CNTN1: variants seen among roughly 807,000 people sequenced by gnomAD.
CNTN1 encodes the protein contactin 1.
A neutral mutation model predicts 126.4 loss-of-function variants in CNTN1; 38 were observed. The ratio of observed to expected loss-of-function variants is 0.30; its 90% CI spans 0.23 to 0.39. The LOEUF (loss-of-function observed/expected upper bound fraction) is 0.39, where lower values mean the gene tolerates loss of function less well. Among genes scored for constraint, CNTN1 ranks in the 10% least tolerant of loss-of-function variants. The probability of loss-of-function intolerance (pLI) is 1.00; values close to 1 mark genes in which losing one functional copy is unlikely to be tolerated. For synonymous variants in CNTN1, 413 were observed against 422.6 expected (o/e 0.98, Z 0.28); for missense variants, 1,009 against 1,248.4 (o/e 0.81, Z 2.89).
At chr12:40,799,282 A>G (rs889955259) in intron 1 of CNTN1, among the ~76,000 whole-genome samples, 4 of 151,414 alleles carry the variant, frequency 2.6e-5, no homozygotes, top group African/African-American at 9.7e-5. Context: ...TTATTGAGTA[A>G]TTATTTAATA....
chr12:40,767,506 C>T (rs1415037525), intron 1 of CNTN1, among the ~76,000 whole-genome samples: 3 of 152,080 alleles, frequency 2.0e-5, no homozygotes, highest in East Asian at 3.9e-4. Flanking sequence ...GATGGGGTTT[C>T]ACCGTGTTAG....
At chr12:40,714,439 T>C (rs568018110) in intron 1 of CNTN1, among the ~76,000 whole-genome samples, 2 of 152,254 alleles carry the variant, frequency 1.3e-5, no homozygotes, top group South Asian at 4.1e-4. Flanking sequence ...TCCATCTTTA[T>C]TGGAAAATGA....
chr12:40,864,650 T>C (rs570452754), intron 1 of CNTN1, among the ~76,000 whole-genome samples: 2 of 152,308 alleles, frequency 1.3e-5, no homozygotes, highest in Middle Eastern at 3.4e-3. Context: ...TTCATTGATA[T>C]TGTATCATGT....
chr12:41,018,925 G>A (rs1227379192), intron 19 of CNTN1, among the ~76,000 whole-genome samples: 1 of 152,134 alleles, frequency 6.6e-6, no homozygotes, highest in Admixed American at 6.5e-5. Context: ...GGGAGGTCGA[G>A]GTGGGCGGAT....
At chr12:40,766,288 T>C (rs1355644482) in intron 1 of CNTN1, among the ~76,000 whole-genome samples, 2 of 147,508 alleles carry the variant, frequency 1.4e-5, no homozygotes, top group Non-Finnish European at 3.0e-5. Context: ...ACCCGGGAAG[T>C]GGTGGTTTCA....
chr12:40,971,443 G>A, intron 15 of CNTN1: 1 of 1,595,766 alleles, frequency 6.3e-7, no homozygotes, highest in South Asian at 1.1e-5. Flanking sequence ...GGTAAAAACA[G>A]AAAAGGTGGA....
chr12:40,716,145 C>T (rs776539285), intron 1 of CNTN1, among the ~76,000 whole-genome samples: 1 of 151,966 alleles, frequency 6.6e-6, no homozygotes, highest in Non-Finnish European at 1.5e-5. Context: ...TAAACTTTTC[C>T]ATGGCAAGAG....
chr12:40,851,886 C>A (rs1409898679), intron 1 of CNTN1, among the ~76,000 whole-genome samples: 1 of 152,092 alleles, frequency 6.6e-6, no homozygotes, highest in South Asian at 2.1e-4. Flanking sequence ...GATGGCATTT[C>A]ATAGGACATA....
At chr12:40,996,295 C>T (rs1479783134) in intron 17 of CNTN1, among the ~76,000 whole-genome samples, 1 of 151,990 alleles carries the variant, frequency 6.6e-6, no homozygotes, top group Non-Finnish European at 1.5e-5. Context: ...CCACGCCCAG[C>T]TATTTTGTGT....
chr12:40,801,001 C>G (rs1358195077), intron 1 of CNTN1, among the ~76,000 whole-genome samples: 2 of 134,492 alleles, frequency 1.5e-5, no homozygotes, highest in Admixed American at 1.5e-4. Flanking sequence ...AACAGCAGGT[C>G]AAACTAGAGT....
At chr12:41,065,678 A>G (rs1950035914) in intron 23 of CNTN1, among the ~76,000 whole-genome samples, 1 of 152,198 alleles carries the variant, frequency 6.6e-6, no homozygotes, top group Non-Finnish European at 1.5e-5. Context: ...AGTGCAGTCC[A>G]GCAATTGGGT....
chr12:40,801,246 G>A (rs1332593161), intron 1 of CNTN1, among the ~76,000 whole-genome samples: 2 of 151,840 alleles, frequency 1.3e-5, no homozygotes, highest in African/African-American at 4.8e-5. Context: ...TGACATTAGC[G>A]ATAACATACA....
chr12:40,837,113 C>G lies in CNTN1; in HGVS notation c.-76-71244C>G, dbSNP rs532061895. On this transcript the variant is annotated intron_variant, in intron 1 of 23. Coordinates refer to ENST00000551295, the MANE Select transcript of CNTN1 (RefSeq NM_001843.4). ...ATATAATGGGGCCAGTACAATGTTGCATGTTAATTTTTATTCAGATGCTAT... is the reference window on the plus strand; with the variant it reads ...ATATAATGGGGCCAGTACAATGTTGGATGTTAATTTTTATTCAGATGCTAT... Among the ~76,000 whole-genome samples, 9 of 152,132 alleles carry G rather than the reference C, an allele frequency of 5.9e-5. No individual in the cohort carries two copies. The East Asian group carries it at 1.7e-3, about 29-fold the overall frequency.
chr12:41,072,126 A>G lies in CNTN1; in HGVS notation c.*2091A>G, dbSNP rs1207724803. 1 of 152,228 alleles carries G rather than the reference A, an allele frequency of 6.6e-6. No homozygotes were observed. The highest frequency in any genetic ancestry group is 1.5e-5 in the Non-Finnish European group (1 of 68,032). 9.4% of individuals were successfully genotyped at this position (152,228 alleles called of 1,614,324 possible). Reference sequence around the variant, plus strand: ...TTCATTTTCTCATACAGTTGTACAGATTTAACTGGGACCATCAGTTTTAAA... The same window carrying G: ...TTCATTTTCTCATACAGTTGTACAGGTTTAACTGGGACCATCAGTTTTAAA... On this transcript the variant is annotated 3_prime_UTR_variant, in exon 24 of 24. Coordinates refer to ENST00000551295, the MANE Select transcript of CNTN1 (RefSeq NM_001843.4).
At chr12:40,751,121 G>T (rs895671171) in intron 1 of CNTN1, among the ~76,000 whole-genome samples, 2 of 152,012 alleles carry the variant, frequency 1.3e-5, no homozygotes, top group East Asian at 3.9e-4. Flanking sequence ...GAATCTAATA[G>T]GATGAAGACC....
chr12:40,892,902 C>T (rs538442915), intron 1 of CNTN1, among the ~76,000 whole-genome samples: 2 of 137,790 alleles, frequency 1.5e-5, no homozygotes, highest in African/African-American at 5.7e-5. Flanking sequence ...AATTCTTCCC[C>T]GAAATTCAAG....
At chr12:41,036,326 G>A (rs1431019016) in intron 23 of CNTN1, among the ~76,000 whole-genome samples, 1 of 152,096 alleles carries the variant, frequency 6.6e-6, no homozygotes, top group Non-Finnish European at 1.5e-5. Context: ...GGCATTGAGA[G>A]CAAGAAGAAT....
chr12:40,917,771 C>T (rs1383724341), intron 3 of CNTN1, among the ~76,000 whole-genome samples: 1 of 152,032 alleles, frequency 6.6e-6, no homozygotes, highest in African/African-American at 2.4e-5. Flanking sequence ...ATTTTCTTCT[C>T]CTCATCCTGC....
chr12:40,832,978 C>T (rs1200550303), intron 1 of CNTN1, among the ~76,000 whole-genome samples: 1 of 152,178 alleles, frequency 6.6e-6, no homozygotes, highest in Non-Finnish European at 1.5e-5. Flanking sequence ...CCTCTGCCTC[C>T]TGACCAGCCC....
Sources: allele counts gnomAD v4.1 joint callset (sites outside exome capture counted in the v4.1 genomes callset), GRCh38; gene constraint gnomAD v4.1.1; transcripts MANE v1.5; gene names NCBI Gene and HGNC (gene_info 2026-07-23, HGNC 2026-07-21).